IRF4: variants seen among roughly 807,000 people sequenced by gnomAD.
IRF4 encodes the protein lymphocyte-specific interferon regulatory factor.
Under a neutral mutation model 55.5 loss-of-function variants are expected in IRF4, and 13 were observed. That is an observed-to-expected ratio of 0.23 (90% CI 0.15 to 0.37). The LOEUF (loss-of-function observed/expected upper bound fraction) is 0.37. IRF4 is among the 10% of genes least tolerant of loss of function. The probability of loss-of-function intolerance (pLI) is 1.00; values close to 1 mark genes in which losing one functional copy is unlikely to be tolerated. For missense variants in IRF4, 397 were observed against 593.8 expected, an observed-to-expected ratio of 0.67 and a Z score of 3.44; for synonymous variants, 249 against 240.7, an observed-to-expected ratio of 1.03 and a Z score of -0.32.
chr6:394,476 C>A (rs535745683), intron 2 of IRF4, among the ~76,000 whole-genome samples: 5 of 152,286 alleles, frequency 3.3e-5, no homozygotes, highest in Non-Finnish European at 7.4e-5. Flanking sequence ...TATAAAATAT[C>A]TGTATTTTGG....
At position 394,260 on chromosome 6, in the gene IRF4, C is replaced by A. The variant is rs373463682; in HGVS notation, c.217-561C>A. On this transcript the variant is annotated intron_variant, in intron 2 of 8. Transcript: ENST00000380956. ...TCACTCAGACACTGGGTGGGTAGAGCCCCCTCAAGGAACCTCCGCATCTCA... is the reference window on the plus strand; with the variant it reads ...TCACTCAGACACTGGGTGGGTAGAGACCCCTCAAGGAACCTCCGCATCTCA... Among the ~76,000 whole-genome samples the A allele has an allele frequency of 8.1e-4, 123 of 152,282 alleles. 1 individual carries two copies. The South Asian group carries it at 0.025, about 31-fold the overall frequency.
chr6:397,414 TGGTG>T, intron 5 of IRF4, 162 bp downstream of exon 5: 15 of 773,218 alleles, frequency 1.9e-5, no homozygotes, highest in Non-Finnish European at 3.0e-5. Context: ...TCCTGTGGGA[TGGTG>T]GCATCCCACA....
intron 3 of IRF4, 100 bp from the exon 4 acceptor site, chr6:395,747 C>A: frequency 1.2e-6 from 1 of 860,610 alleles, no homozygotes; most frequent in South Asian, 1.6e-5. Flanking sequence ...GTTATGCATT[C>A]TAAGAATTAA....
At chr6:400,218 A>T (rs1220258794) in intron 6 of IRF4, among the ~76,000 whole-genome samples, 1 of 152,162 alleles carries the variant, frequency 6.6e-6, no homozygotes, top group Non-Finnish European at 1.5e-5. Context: ...GGTATGCATG[A>T]TACAGATTAA....
chr6:408,962 A>G lies in IRF4; in HGVS notation c.*1364A>G, dbSNP rs1430853975. On this transcript the variant is annotated 3_prime_UTR_variant, in exon 9 of 9. Transcript: ENST00000380956. Reference sequence around the variant, plus strand: ...AATCCCAAAGACCTCCACTTGCTTAAGTATACCTATCACTTACATTTTTGT... The same window carrying G: ...AATCCCAAAGACCTCCACTTGCTTAGGTATACCTATCACTTACATTTTTGT... 4.4e-6 allele frequency: 1 copy of G among 228,022 alleles called. No individual in the cohort carries two copies. The highest frequency in any genetic ancestry group is 2.2e-5 in the African/African-American group (1 of 45,016). 14.1% of individuals were successfully genotyped at this position (228,022 alleles called of 1,614,324 possible). A position where few individuals can be genotyped will look rare whatever the true frequency, so the allele number is the denominator to read the frequency against.
intron 3 of IRF4, among the ~76,000 whole-genome samples, chr6:395,523 C>G (rs1761229135): frequency 6.6e-6 from 1 of 152,166 alleles, no homozygotes; most frequent in African/African-American, 2.4e-5. Flanking sequence ...GCTCAGGAAT[C>G]TGCATCTGGA....
At chr6:404,121 G>C (rs1005757379) in intron 7 of IRF4, among the ~76,000 whole-genome samples, 2 of 152,192 alleles carry the variant, frequency 1.3e-5, no homozygotes. Flanking sequence ...TGATAAGGAC[G>C]CGTCTGTTCT....
chr6:401,938 T>C, intron 7 of IRF4, 161 bp downstream of exon 7: 1 of 625,466 alleles, frequency 1.6e-6, no homozygotes. Context: ...ATCTTCTGTC[T>C]GGCTCTGTTG....
intron 6 of IRF4, 52 bp downstream of exon 6, chr6:398,987 C>T (rs772903622): frequency 1.9e-5 from 24 of 1,278,264 alleles, no homozygotes; most frequent in Non-Finnish European, 2.7e-5. Context: ...GCCTCTGCTG[C>T]CAGCTCTGTC....
chr6:398,701 G>C (rs6918132), intron 5 of IRF4, 127 bp from the exon 6 acceptor site: 16,517 of 596,560 alleles, frequency 0.028, 315 homozygotes, highest in Non-Finnish European at 0.034. Context: ...CTGGTGCTGG[G>C]AGTGGGTGGG....
intron 5 of IRF4, 168 bp downstream of exon 5, chr6:397,420 C>T: frequency 1.4e-6 from 1 of 704,218 alleles, no homozygotes; most frequent in Non-Finnish European, 2.3e-6. Flanking sequence ...GGGATGGTGG[C>T]ATCCCACAGC....
In IRF4 at chr6:394,804, T is replaced by A. The variant is rs772059663; in HGVS notation, c.217-17T>A. 6.2e-7 allele frequency: 1 copy of A among 1,604,446 alleles called. No homozygotes were observed. The highest frequency in any genetic ancestry group is 1.1e-5 in the South Asian group (1 of 89,644). On this transcript the variant is annotated splice_polypyrimidine_tract_variant and intron_variant, in intron 2 of 8. Transcript: ENST00000380956. ...CATGTATTTTGACTTTTCGTTCTCT[T>A]CATTCTTTCCCACCAGGCTTGGGCA... is the stretch of plus-strand genomic sequence containing the variant.
Position 393,650 on chromosome 6 carries a change from A to G in IRF4, c.216+282A>G, listed in dbSNP as rs1282272989. Reference sequence around the variant, plus strand: ...CCGGGGAAGGGCGGCCAAAGGCTTGAGGGGTTTTGCGCGTTCGTCCGTGCG... The same window carrying G: ...CCGGGGAAGGGCGGCCAAAGGCTTGGGGGGTTTTGCGCGTTCGTCCGTGCG... On this transcript the variant is annotated intron_variant, in intron 2 of 8. Coordinates refer to ENST00000380956, the MANE Select transcript of IRF4 (RefSeq NM_002460.4). This position sits in a 1 kb window ranked among gnomAD's most constrained non-coding sequence, Gnocchi z 5.4. 1.3e-5 allele frequency among the ~76,000 whole-genome samples: 2 copies of G among 149,876 alleles called. No homozygotes were observed. The highest frequency in any genetic ancestry group is 4.9e-5 in the African/African-American group (2 of 40,958).
chr6:392,855 A>G (rs1761143414), intron 1 of IRF4, among the ~76,000 whole-genome samples: 1 of 152,090 alleles, frequency 6.6e-6, no homozygotes, highest in African/African-American at 2.4e-5. Flanking sequence ...ACAGGAGAGC[A>G]GGCGGGTAGG....
In IRF4 at chr6:410,458, G is replaced by C. The variant is rs1269537511; in HGVS notation, c.*2860G>C. On this transcript the variant is annotated 3_prime_UTR_variant, in exon 9 of 9. Coordinates refer to ENST00000380956, the MANE Select transcript of IRF4 (RefSeq NM_002460.4). ...ATTGGGTATGAACTAAAAAGAGACTGTGCCATGGTGAGAAAAATGTAAAAT... is the reference window on the plus strand; with the variant it reads ...ATTGGGTATGAACTAAAAAGAGACTCTGCCATGGTGAGAAAAATGTAAAAT... 1 of 228,880 alleles carries C rather than the reference G, an allele frequency of 4.4e-6. No homozygotes were observed. Among genetic ancestry groups the C allele is most frequent in the African/African-American group, 2.2e-5 (1 of 45,118 alleles). The allele number at this position is 228,880 out of a possible 1,614,324, so 14.2% of individuals were successfully genotyped here. A position where few individuals can be genotyped will look rare whatever the true frequency, so the allele number is the denominator to read the frequency against.
intron 2 of IRF4, 36 bp from the exon 3 acceptor site, chr6:394,785 T>G: frequency 6.3e-7 from 1 of 1,586,496 alleles, no homozygotes; most frequent in Non-Finnish European, 8.6e-7. Context: ...CAGACATGTA[T>G]TTTGACTTTT....
At position 395,836 on chromosome 6, in the gene IRF4, C is replaced by T; in HGVS notation, c.404-11C>T. Reference sequence around the variant, plus strand: ...TACGTTGTGCCATTTCCCTTTTCCCCAAACATGTAGGAGCCAAGCAGCTCA... The same window carrying T: ...TACGTTGTGCCATTTCCCTTTTCCCTAAACATGTAGGAGCCAAGCAGCTCA... On this transcript the variant is annotated splice_polypyrimidine_tract_variant and intron_variant, in intron 3 of 8. Coordinates refer to ENST00000380956, the MANE Select transcript of IRF4 (RefSeq NM_002460.4). 2.5e-6 allele frequency: 4 copies of T among 1,610,012 alleles called. No individual in the cohort carries two copies. The highest frequency in any genetic ancestry group is 2.5e-6 in the Non-Finnish European group (3 of 1,177,200).
In IRF4 at chr6:396,130, T is replaced by A. The variant is rs568453350; in HGVS notation, c.492+195T>A. ...TGCTGCCATTGGTGTGGATTTTAAG[T>A]TGGGGAGGGTCGGGCGTGTCCGCCT... is the stretch of plus-strand genomic sequence containing the variant. On this transcript the variant is annotated intron_variant, in intron 4 of 8. Transcript: ENST00000380956. 8.7e-6 allele frequency: 5 copies of A among 576,584 alleles called. No homozygotes were observed. In the East Asian group the frequency reaches 1.5e-4, roughly 17 times the overall value. 35.7% of individuals were successfully genotyped at this position (576,584 alleles called of 1,614,324 possible). A position where few individuals can be genotyped will look rare whatever the true frequency, so the allele number is the denominator to read the frequency against.
At chr6:392,227 C>A (rs909747499) in intron 1 of IRF4, among the ~76,000 whole-genome samples, 3 of 152,262 alleles carry the variant, frequency 2.0e-5, no homozygotes, top group African/African-American at 7.2e-5. Flanking sequence ...GCTCTTCGTT[C>A]CTAAGGGGCC....
Sources: gnomAD v4.1 joint callset for allele counts (sites outside exome capture counted in the v4.1 genomes callset) on GRCh38, gnomAD v4.1.1 for gene constraint, Gnocchi (gnomAD v3.1) non-coding constraint, MANE v1.5 for transcripts, NCBI Gene and HGNC (gene_info 2026-07-23, HGNC 2026-07-21) for gene names.